Variants in DPYSL5 observed in about 807,000 individuals in gnomAD.
DPYSL5 encodes dihydropyrimidinase like 5.
In DPYSL5, 9 loss-of-function variants were observed where a neutral mutation model predicts 58.4. That is an observed-to-expected ratio of 0.15 (90% confidence interval 0.09 to 0.27). The LOEUF is 0.27. DPYSL5 is among the 10% of genes least tolerant of loss of function. The pLI is 1.00. For synonymous variants in DPYSL5, 293 were observed against 301.9 expected (o/e 0.97, Z 0.31); for missense variants, 499 against 770.6 (o/e 0.65, Z 4.17).
intron 1 of DPYSL5, among the ~76,000 whole-genome samples, chr2:26,854,762 C>A (rs141590367): frequency 6.6e-6 from 1 of 152,220 alleles, no homozygotes; most frequent in African/African-American, 2.4e-5. Flanking sequence ...ACAGGATTTT[C>A]CAGCTACTGA....
chr2:26,930,696 C>T (rs947510901), intron 5 of DPYSL5, among the ~76,000 whole-genome samples: 4 of 151,712 alleles, frequency 2.6e-5, no homozygotes, highest in Non-Finnish European at 4.4e-5. Context: ...AAGCATGGGC[C>T]GGGCATGGTG....
chr2:26,912,731 G>A (rs1311574138), intron 2 of DPYSL5, among the ~76,000 whole-genome samples: 1 of 152,258 alleles, frequency 6.6e-6, no homozygotes, highest in Non-Finnish European at 1.5e-5. Context: ...ATGCTCGGCA[G>A]TGAAGATAAT....
At chr2:26,864,514 C>T (rs1232205459) in intron 1 of DPYSL5, among the ~76,000 whole-genome samples, 4 of 152,212 alleles carry the variant, frequency 2.6e-5, no homozygotes, top group East Asian at 1.9e-4. Context: ...CTAAGTACCA[C>T]GGAAAGGAAA....
chr2:26,855,285 TG>T (rs1665851485), intron 1 of DPYSL5, among the ~76,000 whole-genome samples: 1 of 151,780 alleles, frequency 6.6e-6, no homozygotes, highest in Non-Finnish European at 1.5e-5. Context: ...AAAATTTAGC[TG>T]GGCGTGGTGG....
intron 1 of DPYSL5, among the ~76,000 whole-genome samples, chr2:26,860,282 A>G (rs1343360267): frequency 6.6e-6 from 1 of 152,208 alleles, no homozygotes; most frequent in African/African-American, 2.4e-5. Flanking sequence ...CAATATGACA[A>G]TTGGAGAATG....
chr2:26,939,885 A>G, intron 8 of DPYSL5, 146 bp from the exon 9 acceptor site: 1 of 1,050,174 alleles, frequency 9.5e-7, no homozygotes, highest in Admixed American at 2.1e-5. Context: ...GTAACTCACG[A>G]CAGACCACAT....
intron 12 of DPYSL5, 81 bp from the exon 13 acceptor site, chr2:26,946,827 CAG>C: frequency 1.9e-6 from 2 of 1,050,812 alleles, no homozygotes; most frequent in East Asian, 5.0e-5. Context: ...GCCATGCACA[CAG>C]TGAGCCTCCA....
intron 1 of DPYSL5, among the ~76,000 whole-genome samples, chr2:26,882,881 A>C (rs1663609608): frequency 6.6e-6 from 1 of 150,522 alleles, no homozygotes; most frequent in Admixed American, 6.6e-5. Flanking sequence ...ACTGCACTCC[A>C]GCCTGGGTGA....
In DPYSL5 at chr2:26,860,408, G is replaced by A. The variant is rs144166647; in HGVS notation, c.-5+12154G>A. ...CTGACTGCTTTGATGTCCTGTGACAGACACCCTGTGTTGCTGCTGAGCTGT... is the reference window on the plus strand; with the variant it reads ...CTGACTGCTTTGATGTCCTGTGACAAACACCCTGTGTTGCTGCTGAGCTGT... On this transcript the variant is annotated intron_variant, in intron 1 of 12. Coordinates refer to ENST00000288699, the MANE Select transcript of DPYSL5 (RefSeq NM_020134.4). 2.7e-4 allele frequency among the ~76,000 whole-genome samples: 41 copies of A among 152,346 alleles called. 2 individuals carry two copies. The East Asian group carries it at 7.7e-3, about 29-fold the overall frequency.
At chr2:26,945,212 C>CA (rs1329596796) in intron 12 of DPYSL5, among the ~76,000 whole-genome samples, 1 of 152,022 alleles carries the variant, frequency 6.6e-6, no homozygotes, top group Admixed American at 6.6e-5. Flanking sequence ...CACCCCAGCC[C>CA]ACTCCTCACC....
chr2:26,924,844 G>A lies in DPYSL5; in HGVS notation c.262-43G>A, dbSNP rs1460184765. 4 of 1,594,596 alleles carry A rather than the reference G, an allele frequency of 2.5e-6. No individual in the cohort carries two copies. In the South Asian group the frequency reaches 3.4e-5, roughly 14 times the overall value. On this transcript the variant is annotated intron_variant, in intron 2 of 12. Transcript: ENST00000288699. This position sits in a 1 kb window ranked among gnomAD's most constrained non-coding sequence, Gnocchi z 4.7. ...GTCTCACCACATCATTGACTCGGGG[G>A]CAGGCAGGGCTGTGACGAGACTGCC...
chr2:26,908,590 CT>C (rs1248759217), intron 2 of DPYSL5, among the ~76,000 whole-genome samples: 2 of 152,176 alleles, frequency 1.3e-5, no homozygotes, highest in African/African-American at 4.8e-5. Context: ...GGGAAAAAAC[CT>C]CCTATGGTGA....
intron 1 of DPYSL5, among the ~76,000 whole-genome samples, chr2:26,854,302 T>C (rs1665824875): frequency 6.6e-6 from 1 of 151,530 alleles, no homozygotes; most frequent in Non-Finnish European, 1.5e-5. Flanking sequence ...CTACTAAAAA[T>C]ACAAAAATTA....
rs1478127410 is a variant in DPYSL5 at position 26,925,733 on chromosome 2, C to T, written c.420+688C>T. Among the ~76,000 whole-genome samples the T allele has an allele frequency of 6.6e-6, 1 of 152,196 alleles. No individual in the cohort carries two copies. Among genetic ancestry groups the T allele is most frequent in the African/African-American group, 2.4e-5 (1 of 41,434 alleles). On this transcript the variant is annotated intron_variant, in intron 3 of 12. Coordinates refer to ENST00000288699, the MANE Select transcript of DPYSL5 (RefSeq NM_020134.4). This position sits in a 1 kb window ranked among gnomAD's most constrained non-coding sequence, Gnocchi z 4.5. ...CTCTCCCCGGATTCCCACTTCCTTGCTCTTCCTAATCTACAGGCATTTCGA... is the reference window on the plus strand; with the variant it reads ...CTCTCCCCGGATTCCCACTTCCTTGTTCTTCCTAATCTACAGGCATTTCGA...
chr2:26,928,563 T>G (rs1664883518), intron 5 of DPYSL5, among the ~76,000 whole-genome samples: 1 of 150,286 alleles, frequency 6.7e-6, no homozygotes. Context: ...CTGGGCATAG[T>G]GGTGCATGCC....
In DPYSL5 at chr2:26,927,480, A is replaced by G; in HGVS notation, c.600+48A>G. On this transcript the variant is annotated intron_variant, in intron 4 of 12. Coordinates refer to ENST00000288699, the MANE Select transcript of DPYSL5 (RefSeq NM_020134.4). The surrounding 1 kb of genome is among the most constrained non-coding windows in gnomAD (Gnocchi z 4.3). ...TGGATGGAGGGACACCAGTGGAGACAGTTAGTTCTCAGGGGATTCCTGACC... is the reference window on the plus strand; with the variant it reads ...TGGATGGAGGGACACCAGTGGAGACGGTTAGTTCTCAGGGGATTCCTGACC... 6.4e-7 allele frequency: 1 copy of G among 1,571,466 alleles called. No homozygotes were observed. Among genetic ancestry groups the G allele is most frequent in the Non-Finnish European group, 8.6e-7 (1 of 1,164,748 alleles).
chr2:26,922,775 C>T (rs1451896448), intron 2 of DPYSL5, among the ~76,000 whole-genome samples: 4 of 152,238 alleles, frequency 2.6e-5, no homozygotes, highest in South Asian at 2.1e-4. Context: ...CAGCCTGGCA[C>T]GATCCAGCAA....
At position 26,919,417 on chromosome 2, in the gene DPYSL5, T is replaced by C. The variant is rs188044955; in HGVS notation, c.262-5470T>C. ...AATCCAGCTTTACCCAGTAGTATGT[T>C]ATAAATGTCAAAAACAAAATAATAG... is the stretch of plus-strand genomic sequence containing the variant. On this transcript the variant is annotated intron_variant, in intron 2 of 12. Coordinates refer to ENST00000288699, the MANE Select transcript of DPYSL5 (RefSeq NM_020134.4). Among the ~76,000 whole-genome samples the C allele has an allele frequency of 4.9e-3, 744 of 152,352 alleles. 11 individuals are homozygous for C. Among genetic ancestry groups the C allele is most frequent in the African/African-American group, 0.017 (718 of 41,568 alleles).
At chr2:26,885,802 T>C (rs1162880812) in intron 1 of DPYSL5, among the ~76,000 whole-genome samples, 2 of 152,214 alleles carry the variant, frequency 1.3e-5, no homozygotes, top group Non-Finnish European at 2.9e-5. Context: ...CCTGCCCTTC[T>C]GCTCTCCTCA....
Sources: gnomAD v4.1 joint callset for allele counts (sites outside exome capture counted in the v4.1 genomes callset) on GRCh38, gnomAD v4.1.1 for gene constraint, Gnocchi (gnomAD v3.1) non-coding constraint, MANE v1.5 for transcripts, NCBI Gene and HGNC (gene_info 2026-07-23, HGNC 2026-07-21) for gene names.